Variants in SLC1A2 observed in about 807,000 individuals in gnomAD.
The protein encoded by SLC1A2 is excitatory amino acid transporter 2.
SLC1A2 carries 15 observed loss-of-function variants against 48.8 expected under a neutral mutation model. The ratio of observed to expected loss-of-function variants is 0.31; its 90% CI spans 0.21 to 0.47. The LOEUF (loss-of-function observed/expected upper bound fraction) is 0.47, where lower values mean the gene tolerates loss of function less well. Among genes scored for constraint, SLC1A2 ranks in the 20% least tolerant of loss-of-function variants. The probability of loss-of-function intolerance (pLI) is 0.99; values close to 1 mark genes in which losing one functional copy is unlikely to be tolerated. For synonymous variants in SLC1A2, 279 were observed against 272.6 expected, an observed-to-expected ratio of 1.02 and a Z score of -0.23; for missense variants, 502 against 730.5, an observed-to-expected ratio of 0.69 and a Z score of 3.61.
At chr11:35,261,945 A>C (rs545590809) in intron 10 of SLC1A2, 49 of 385,698 alleles carry the variant, frequency 1.3e-4, no homozygotes, top group Admixed American at 4.5e-4. Flanking sequence ...TTAGCCCCCC[A>C]ATTTTTTTCA....
intron 10 of SLC1A2, chr11:35,265,051 C>T: frequency 6.3e-6 from 1 of 157,766 alleles, no homozygotes; most frequent in Non-Finnish European, 1.4e-5. Flanking sequence ...CGGGTTCACG[C>T]CATTCTCCCA....
At chr11:35,366,387 T>G (rs564359647) in intron 1 of SLC1A2, among the ~76,000 whole-genome samples, 6 of 152,322 alleles carry the variant, frequency 3.9e-5, no homozygotes, top group African/African-American at 1.4e-4. Context: ...GGCTACTCTC[T>G]GTGTGTACAC....
At chr11:35,326,234 A>G (rs146984581) in intron 1 of SLC1A2, among the ~76,000 whole-genome samples, 42 of 152,346 alleles carry the variant, frequency 2.8e-4, no homozygotes, top group African/African-American at 9.6e-4. Flanking sequence ...TTAGGACCCA[A>G]CTACCAAGCA....
chr11:35,407,371 T>G (rs1456979041), intron 1 of SLC1A2, among the ~76,000 whole-genome samples: 2 of 152,174 alleles, frequency 1.3e-5, no homozygotes, highest in African/African-American at 2.4e-5. Flanking sequence ...AACTCTTTCC[T>G]TCATCAGTAT....
chr11:35,304,804 A>C (rs1375215520), intron 5 of SLC1A2, among the ~76,000 whole-genome samples: 1 of 152,116 alleles, frequency 6.6e-6, no homozygotes, highest in African/African-American at 2.4e-5. Context: ...TCAGGTAAAA[A>C]ATGAATACTT....
At chr11:35,339,330 G>A (rs1021730727) in intron 1 of SLC1A2, among the ~76,000 whole-genome samples, 2 of 152,196 alleles carry the variant, frequency 1.3e-5, no homozygotes, top group Non-Finnish European at 2.9e-5. Context: ...AGATTTTGCT[G>A]AAGAAGAGAT....
At chr11:35,402,628 C>T (rs1366268581) in intron 1 of SLC1A2, among the ~76,000 whole-genome samples, 1 of 152,160 alleles carries the variant, frequency 6.6e-6, no homozygotes, top group Non-Finnish European at 1.5e-5. Flanking sequence ...AAATTACAGC[C>T]TGTCAGTCAG....
At chr11:35,380,286 G>A (rs535761784) in intron 1 of SLC1A2, 18 of 398,220 alleles carry the variant, frequency 4.5e-5, no homozygotes, top group South Asian at 1.3e-4. Flanking sequence ...TGGGTGGTTC[G>A]ACTCCACCTA....
chr11:35,394,441 A>C (rs1196289792), intron 1 of SLC1A2, among the ~76,000 whole-genome samples: 1 of 152,126 alleles, frequency 6.6e-6, no homozygotes, highest in Non-Finnish European at 1.5e-5. Flanking sequence ...AAAAATATGG[A>C]AGTGCAAATA....
intron 1 of SLC1A2, among the ~76,000 whole-genome samples, chr11:35,322,361 C>A (rs376390704): frequency 3.9e-5 from 6 of 152,228 alleles, no homozygotes; most frequent in African/African-American, 1.4e-4. Context: ...TGCCAATAGC[C>A]TGTAATAATA....
chr11:35,304,487 C>T (rs976081153), intron 5 of SLC1A2, among the ~76,000 whole-genome samples: 1 of 152,248 alleles, frequency 6.6e-6, no homozygotes, highest in African/African-American at 2.4e-5. Context: ...TTTGCAAAAT[C>T]TCCCCAGAGG....
intron 1 of SLC1A2, among the ~76,000 whole-genome samples, chr11:35,382,021 C>T (rs754625419): frequency 6.6e-6 from 1 of 152,184 alleles, no homozygotes; most frequent in Non-Finnish European, 1.5e-5. Context: ...GTTAGATTCC[C>T]ACAACAACCT....
intron 3 of SLC1A2, 152 bp from the exon 4 acceptor site, chr11:35,312,600 G>T (rs1439606955): frequency 5.2e-6 from 5 of 969,534 alleles, no homozygotes; most frequent in Non-Finnish European, 7.5e-6. Context: ...ATCCATGAGA[G>T]GGTTGGTTCT....
chr11:35,286,283 C>T (rs1280645801), intron 8 of SLC1A2: 1 of 152,554 alleles, frequency 6.6e-6, no homozygotes, highest in African/African-American at 2.4e-5. Context: ...TCTGCCATTA[C>T]CCTCTGGTGA....
intron 1 of SLC1A2, among the ~76,000 whole-genome samples, chr11:35,349,022 G>A (rs1196045195): frequency 2.6e-5 from 4 of 152,132 alleles, no homozygotes; most frequent in Non-Finnish European, 4.4e-5. Context: ...GAGGAAAGGG[G>A]AGAGGATACA....
chr11:35,401,016 T>C (rs192526724), intron 1 of SLC1A2, among the ~76,000 whole-genome samples: 35 of 152,334 alleles, frequency 2.3e-4, no homozygotes, highest in Non-Finnish European at 4.4e-4. Flanking sequence ...TGGGCGGGGC[T>C]TCTATGTGAT....
intron 1 of SLC1A2, among the ~76,000 whole-genome samples, chr11:35,350,795 G>A (rs1347044747): frequency 6.6e-6 from 1 of 152,206 alleles, no homozygotes; most frequent in Admixed American, 6.5e-5. Context: ...CTGCTTGTTG[G>A]TCTGAACCCA....
intron 4 of SLC1A2, among the ~76,000 whole-genome samples, chr11:35,309,615 C>T (rs1226093805): frequency 6.6e-6 from 1 of 152,198 alleles, no homozygotes. Context: ...AGCTCATCTT[C>T]CTCTTTACAT....
intron 1 of SLC1A2, among the ~76,000 whole-genome samples, chr11:35,404,712 C>G (rs1311132357): frequency 6.6e-6 from 1 of 152,198 alleles, no homozygotes; most frequent in Non-Finnish European, 1.5e-5. Context: ...TGTCTGACCA[C>G]TGGACAATCA....
Sources: gnomAD v4.1 joint callset for allele counts (sites outside exome capture counted in the v4.1 genomes callset) on GRCh38, gnomAD v4.1.1 for gene constraint, MANE v1.5 for transcripts, NCBI Gene and HGNC (gene_info 2026-07-23, HGNC 2026-07-21) for gene names.